Variants in ELAVL4 observed in about 807,000 individuals in gnomAD.
ELAVL4 encodes ELAV-like protein 4.
Under a neutral mutation model 35.6 loss-of-function variants are expected in ELAVL4, and 1 was observed. The ratio of observed to expected loss-of-function variants is 0.03; its 90% CI spans 0.01 to 0.13. The LOEUF is 0.13. Among genes scored for constraint, ELAVL4 ranks in the 10% least tolerant of loss-of-function variants. The pLI, the probability that ELAVL4 is intolerant of heterozygous loss-of-function variation, is 1.00. For missense variants in ELAVL4, 267 were observed against 464.9 expected, an observed-to-expected ratio of 0.57 and a Z score of 3.91; for synonymous variants, 156 against 171.0, an observed-to-expected ratio of 0.91 and a Z score of 0.69.
At chr1:50,078,192 AGTG>A (rs1664852731) in intron 1 of ELAVL4, among the ~76,000 whole-genome samples, 1 of 151,316 alleles carries the variant, frequency 6.6e-6, no homozygotes, top group East Asian at 1.9e-4. Flanking sequence ...TTGCAGTAGT[AGTG>A]GTGGTGATGA....
intron 3 of ELAVL4, among the ~76,000 whole-genome samples, chr1:50,181,962 C>A (rs1037240844): frequency 6.6e-6 from 1 of 152,198 alleles, no homozygotes; most frequent in Non-Finnish European, 1.5e-5. Context: ...GGATTACAGG[C>A]GTGAGCCACC....
At chr1:50,092,965 T>C (rs1665558564) in intron 1 of ELAVL4, among the ~76,000 whole-genome samples, 1 of 152,244 alleles carries the variant, frequency 6.6e-6, no homozygotes, top group Non-Finnish European at 1.5e-5. Context: ...CCATTAATTC[T>C]GCCTATTCTC....
intron 1 of ELAVL4, among the ~76,000 whole-genome samples, chr1:50,133,599 A>AAAGAAAAGAAAGAAAG (rs1460308549): frequency 3.1e-5 from 4 of 129,260 alleles, no homozygotes; most frequent in South Asian, 5.4e-4. Flanking sequence ...AGAAAGAAAG[A>AAAGAAAAGAAAGAAAG]AAAGAAAGAA....
At chr1:50,156,029 A>ATG (rs1675672276) in intron 2 of ELAVL4, among the ~76,000 whole-genome samples, 2 of 142,318 alleles carry the variant, frequency 1.4e-5, no homozygotes, top group Admixed American at 7.0e-5. Context: ...GTGCACAGGC[A>ATG]CGCACACACA....
At chr1:50,050,053 A>G (rs1663271780) in intron 1 of ELAVL4, among the ~76,000 whole-genome samples, 1 of 152,170 alleles carries the variant, frequency 6.6e-6, no homozygotes, top group Admixed American at 6.5e-5. Flanking sequence ...TTTAAATTAG[A>G]TATTCTTGGT....
At chr1:50,078,805 C>T (rs1572140030) in intron 1 of ELAVL4, among the ~76,000 whole-genome samples, 1 of 152,176 alleles carries the variant, frequency 6.6e-6, no homozygotes, top group African/African-American at 2.4e-5. Context: ...CCTGCTGACA[C>T]CACCCTCTCT....
At chr1:50,106,423 C>CAA (rs757631475), upstream of ELAVL4, 26 of 1,570,910 alleles carry the variant, frequency 1.7e-5, no homozygotes, top group East Asian at 5.4e-4. Context: ...GCTGGCAGCC[C>CAA]CACAGTGCTG....
chr1:50,119,150 A>G (rs1572253348), intron 1 of ELAVL4, among the ~76,000 whole-genome samples: 1 of 152,120 alleles, frequency 6.6e-6, no homozygotes, highest in Admixed American at 6.6e-5. Context: ...TTCTCTTTCC[A>G]TATGAATCTA....
intron 2 of ELAVL4, among the ~76,000 whole-genome samples, chr1:50,150,608 G>A (rs1160117786): frequency 2.0e-5 from 3 of 152,134 alleles, no homozygotes; most frequent in African/African-American, 4.8e-5. Flanking sequence ...CAGTCTATTG[G>A]GTTGAAGAGG....
At chr1:50,120,479 G>T (rs1668841771) in intron 1 of ELAVL4, among the ~76,000 whole-genome samples, 1 of 152,040 alleles carries the variant, frequency 6.6e-6, no homozygotes, top group Admixed American at 6.6e-5. Flanking sequence ...GATTTAGGAA[G>T]GTTCAGTTGT....
intron 1 of ELAVL4, among the ~76,000 whole-genome samples, chr1:50,055,814 T>C (rs1663631857): frequency 1.3e-5 from 2 of 152,068 alleles, no homozygotes. Context: ...AGTTTTGAAG[T>C]TGTGCTGACT....
chr1:50,129,104 A>C (rs1306099779), intron 1 of ELAVL4, among the ~76,000 whole-genome samples: 1 of 151,988 alleles, frequency 6.6e-6, no homozygotes, highest in Admixed American at 6.6e-5. Flanking sequence ...ATTATAAAAA[A>C]TTATTTTATT....
Position 50,175,107 on chromosome 1 carries a change from G to T in ELAVL4, c.251-1982G>T, listed in dbSNP as rs115246882. ...TATCCTTTAAAAGCAGCTCAACTTG[G>T]TGAATGTTTTTAAAAAGTGATTATA... is the stretch of plus-strand genomic sequence containing the variant. On this transcript the variant is annotated intron_variant, in intron 2 of 6. Coordinates refer to ENST00000371824, the MANE Select transcript of ELAVL4 (RefSeq NM_001144774.3). Among the ~76,000 whole-genome samples, 683 of 152,162 alleles carry T rather than the reference G, an allele frequency of 4.5e-3. 3 individuals carry two copies. Among genetic ancestry groups the T allele is most frequent in the Non-Finnish European group, 6.9e-3 (472 of 67,998 alleles).
chr1:50,111,581 T>C (rs900705913), intron 1 of ELAVL4, among the ~76,000 whole-genome samples: 8 of 152,124 alleles, frequency 5.3e-5, no homozygotes, highest in African/African-American at 1.9e-4. Context: ...CTTTACAAAA[T>C]AATAAATGAA....
At chr1:50,055,785 C>T (rs577068146) in intron 1 of ELAVL4, among the ~76,000 whole-genome samples, 52 of 151,884 alleles carry the variant, frequency 3.4e-4, no homozygotes, top group Non-Finnish European at 1.6e-4. Context: ...GCTCCTTCAA[C>T]GAAAACCTTT....
At chr1:50,196,355 C>G (rs1352422457) in intron 5 of ELAVL4, among the ~76,000 whole-genome samples, 4 of 152,294 alleles carry the variant, frequency 2.6e-5, no homozygotes, top group South Asian at 2.1e-4. Context: ...TACCCAACCC[C>G]CAGGAAGCTC....
rs577084960 is a variant in ELAVL4, at chr1:50,188,849, C to T, written c.355-4916C>T. 1.1e-4 allele frequency among the ~76,000 whole-genome samples: 16 copies of T among 152,320 alleles called. No individual in the cohort carries two copies. The East Asian group carries it at 3.1e-3, about 29-fold the overall frequency. ...ATGAAGGGATAGCAATAGGCCTGGT[C>T]TGTTGCTGCAGGGGGTTCTCTCCAC... is the stretch of plus-strand genomic sequence containing the variant. On this transcript the variant is annotated intron_variant, in intron 3 of 6. Coordinates refer to ENST00000371824, the MANE Select transcript of ELAVL4 (RefSeq NM_001144774.3).
chr1:50,143,800 C>A (rs545940302), intron 1 of ELAVL4, among the ~76,000 whole-genome samples: 1 of 151,966 alleles, frequency 6.6e-6, no homozygotes, highest in African/African-American at 2.4e-5. Context: ...GACTTTGCCC[C>A]CATTTTTCTA....
At chr1:50,195,130 T>C (rs1643959052) in intron 4 of ELAVL4, among the ~76,000 whole-genome samples, 1 of 152,174 alleles carries the variant, frequency 6.6e-6, no homozygotes, top group African/African-American at 2.4e-5. Context: ...AGGTACAAAA[T>C]TCAAAAAGTA....
Sources: allele counts gnomAD v4.1 joint callset (sites outside exome capture counted in the v4.1 genomes callset), GRCh38; gene constraint gnomAD v4.1.1; transcripts MANE v1.5; gene names NCBI Gene and HGNC (gene_info 2026-07-23, HGNC 2026-07-21).